CCDC7: variants seen among roughly 807,000 people sequenced by gnomAD.
The protein encoded by CCDC7 is coiled-coil domain containing 7, also known as coiled-coil domain-containing protein 7.
In CCDC7, 183 loss-of-function variants were observed where a neutral mutation model predicts 196.9. The observed-to-expected ratio is 0.93, with a 90% confidence interval of 0.82 to 1.05. The LOEUF is 1.05. Ranked by LOEUF, CCDC7 falls within the 50% of genes least tolerant of loss-of-function variation. The probability of loss-of-function intolerance (pLI) is 0.00; values close to 1 mark genes in which losing one functional copy is unlikely to be tolerated. For synonymous variants in CCDC7, 525 were observed against 484.6 expected, an observed-to-expected ratio of 1.08 and a Z score of -1.10; for missense variants, 1,540 against 1,482.2, an observed-to-expected ratio of 1.04 and a Z score of -0.64.
At chr10:32,450,114 C>G (rs2032636254), upstream of CCDC7, among the ~76,000 whole-genome samples, 1 of 152,212 alleles carries the variant, frequency 6.6e-6, no homozygotes, top group Non-Finnish European at 1.5e-5. Flanking sequence ...TTTATTCTTT[C>G]ATGGTTCTGG....
At chr10:32,845,153 A>G (rs2093207198) in intron 33 of CCDC7, 90 bp from the exon 35 acceptor site, 4 of 690,876 alleles carry the variant, frequency 5.8e-6, no homozygotes, top group Non-Finnish European at 2.4e-6. Flanking sequence ...ATTCTAAATG[A>G]ATATCCTCCT....
intron 9 of CCDC7, among the ~76,000 whole-genome samples, chr10:32,505,303 C>T (rs2044727398): frequency 6.6e-6 from 1 of 151,892 alleles, no homozygotes; most frequent in African/African-American, 2.4e-5. Flanking sequence ...GAACAAAGGT[C>T]TCTGGTTTTC....
intron 11 of CCDC7, among the ~76,000 whole-genome samples, chr10:32,531,361 T>A (rs2049630007): frequency 6.6e-6 from 1 of 152,154 alleles, no homozygotes; most frequent in Non-Finnish European, 1.5e-5. Flanking sequence ...TGGATGGAAG[T>A]GATCCTCCTA....
intron 22 of CCDC7, among the ~76,000 whole-genome samples, 174 bp from the exon 24 acceptor site, chr10:32,688,879 A>G (rs907665206): frequency 6.6e-6 from 1 of 152,226 alleles, no homozygotes; most frequent in Non-Finnish European, 1.5e-5. Flanking sequence ...GTTTCAACAC[A>G]CACCCATTGA....
chr10:32,759,254 A>AGT (rs2077011564), intron 28 of CCDC7, among the ~76,000 whole-genome samples: 2 of 152,182 alleles, frequency 1.3e-5, no homozygotes, highest in Non-Finnish European at 2.9e-5. Context: ...TTTAAAGTTC[A>AGT]TATGGAACCA....
intron 29 of CCDC7, among the ~76,000 whole-genome samples, chr10:32,785,427 A>C (rs1191143133): frequency 6.6e-5 from 10 of 152,212 alleles, no homozygotes; most frequent in Admixed American, 6.5e-4. Flanking sequence ...AATTTAAAAC[A>C]CTACACATAA....
intron 28 of CCDC7, among the ~76,000 whole-genome samples, chr10:32,732,045 C>T (rs747379795): frequency 2.0e-5 from 3 of 151,796 alleles, no homozygotes; most frequent in Non-Finnish European, 4.4e-5. Context: ...AGTTAGACTC[C>T]GTCTCAAAAA....
chr10:32,559,424 C>G (rs1301913394), intron 13 of CCDC7, among the ~76,000 whole-genome samples: 8 of 152,224 alleles, frequency 5.3e-5, no homozygotes, highest in Admixed American at 2.6e-4. Context: ...AGGCACCCCC[C>G]AGTAGGGGCA....
intron 29 of CCDC7, among the ~76,000 whole-genome samples, chr10:32,804,565 C>A (rs7901284): frequency 0.15 from 22,163 of 152,054 alleles, 1,824 homozygotes; most frequent in East Asian, 0.25. Flanking sequence ...TTATGAAGAT[C>A]ATTGTTTTCA....
intron 28 of CCDC7, among the ~76,000 whole-genome samples, chr10:32,764,032 T>C (rs1375409246): frequency 6.6e-6 from 1 of 151,942 alleles, no homozygotes; most frequent in South Asian, 2.1e-4. Context: ...CATTCTGCAA[T>C]GTATACATAT....
Position 32,822,020 on chromosome 10 carries a change from C to T in CCDC7, c.3182-2498C>T, listed in dbSNP as rs1333207153. On this transcript the variant is annotated intron_variant, in intron 31 of 41. Transcript: ENST00000639629. ...GTGCTGAAAAAAAAAAATCTACCAA[C>T]CAATAATTTTATTGCTAGCAAAACT... Among the ~76,000 whole-genome samples the T allele has an allele frequency of 1.3e-5, 2 of 151,166 alleles. 1 individual carries two copies. The highest frequency in any genetic ancestry group is 4.2e-4 in the South Asian group (2 of 4,766).
intron 18 of CCDC7, among the ~76,000 whole-genome samples, chr10:32,617,330 C>A (rs562241960): frequency 6.6e-6 from 1 of 151,300 alleles, no homozygotes; most frequent in South Asian, 2.1e-4. Flanking sequence ...TTTCTGTTAA[C>A]TTTGGGTTTG....
intron 40 of CCDC7, among the ~76,000 whole-genome samples, chr10:32,853,941 A>G (rs1419058389): frequency 6.6e-6 from 1 of 152,108 alleles, no homozygotes; most frequent in Non-Finnish European, 1.5e-5. Context: ...ACATGGGTAT[A>G]CTGCATGACA....
intron 8 of CCDC7, among the ~76,000 whole-genome samples, chr10:32,479,333 G>C (rs1256891793): frequency 6.6e-6 from 1 of 151,988 alleles, no homozygotes; most frequent in African/African-American, 2.4e-5. Context: ...TTTCACTGTT[G>C]ACTGTGTAGC....
intron 9 of CCDC7, among the ~76,000 whole-genome samples, chr10:32,507,692 C>T (rs553721850): frequency 3.2e-4 from 48 of 152,132 alleles, no homozygotes; most frequent in Non-Finnish European, 6.5e-4. Flanking sequence ...CTCAGGTGAT[C>T]CACCACCTTG....
intron 25 of CCDC7, among the ~76,000 whole-genome samples, chr10:32,719,643 G>A (rs1206987361): frequency 6.6e-6 from 1 of 152,084 alleles, no homozygotes; most frequent in Non-Finnish European, 1.5e-5. Context: ...CTAATATCCA[G>A]AATCTACAAG....
At chr10:32,667,704 C>T (rs991250509) in intron 21 of CCDC7, among the ~76,000 whole-genome samples, 1 of 152,094 alleles carries the variant, frequency 6.6e-6, no homozygotes, top group African/African-American at 2.4e-5. Flanking sequence ...TTTCTGAGGG[C>T]TCTGTTCTGT....
At chr10:32,604,180 C>G (rs1269531251) in intron 18 of CCDC7, among the ~76,000 whole-genome samples, 1 of 152,086 alleles carries the variant, frequency 6.6e-6, no homozygotes, top group Non-Finnish European at 1.5e-5. Context: ...TTCCAAGCAC[C>G]ATTTTTAGAG....
intron 18 of CCDC7, among the ~76,000 whole-genome samples, chr10:32,620,469 A>ATT (rs146770905): frequency 2.8e-5 from 4 of 144,240 alleles, no homozygotes; most frequent in African/African-American, 1.0e-4. Context: ...CCTTTATCAC[A>ATT]TTTTTTTTTT....
Sources: allele counts gnomAD v4.1 joint callset (sites outside exome capture counted in the v4.1 genomes callset), GRCh38; gene constraint gnomAD v4.1.1; transcripts MANE v1.5; gene names NCBI Gene and HGNC (gene_info 2026-07-23, HGNC 2026-07-21).